SOCS2: variants seen among roughly 807,000 people sequenced by gnomAD.
SOCS2 encodes the protein suppressor of cytokine signaling 2.
In SOCS2, 10 loss-of-function variants were observed where a neutral mutation model predicts 18.6. That is an observed-to-expected ratio of 0.54 (90% CI 0.33 to 0.91). SOCS2 has a LOEUF of 0.91. Ranked by LOEUF, SOCS2 falls within the 40% of genes least tolerant of loss-of-function variation. SOCS2 has a pLI of 0.02. For missense variants in SOCS2, 231 were observed against 247.2 expected, an observed-to-expected ratio of 0.93 and a Z score of 0.44; for synonymous variants, 104 against 104.0, an observed-to-expected ratio of 1.00 and a Z score of 0.00.
At chr12:93,609,387 C>T in the SOCS2 span, among the ~76,000 whole-genome samples, 1 of 151,916 alleles carries the variant, frequency 6.6e-6, no homozygotes. Context: ...AGTGAAACTC[C>T]ATCTCAAAAA....
At chr12:93,619,458 A>G in the SOCS2 span, among the ~76,000 whole-genome samples, 1 of 152,208 alleles carries the variant, frequency 6.6e-6, no homozygotes, top group Non-Finnish European at 1.5e-5. Context: ...GATTAAATGA[A>G]TGGTTGATCG....
the SOCS2 span, among the ~76,000 whole-genome samples, chr12:93,607,515 G>C: frequency 6.6e-6 from 1 of 152,152 alleles, no homozygotes; most frequent in Non-Finnish European, 1.5e-5. Flanking sequence ...ACCTGCTGTA[G>C]CCCTCTGCCT....
chr12:93,614,536 C>T, the SOCS2 span, among the ~76,000 whole-genome samples: 241 of 60,904 alleles, frequency 4.0e-3, 16 homozygotes, highest in African/African-American at 0.014. Flanking sequence ...TCCTTCCTTC[C>T]TTCCTTCTTT....
downstream of SOCS2, among the ~76,000 whole-genome samples, chr12:93,587,160 T>C (rs1342605967): frequency 6.6e-6 from 1 of 152,074 alleles, no homozygotes; most frequent in Admixed American, 6.5e-5. Context: ...AGAGTGAGAC[T>C]GTCTTAAAGA....
chr12:93,614,609 T>TTCTC, the SOCS2 span, among the ~76,000 whole-genome samples: 1 of 126,430 alleles, frequency 7.9e-6, no homozygotes, highest in Non-Finnish European at 1.6e-5. Context: ...CTTTCTTTCT[T>TTCTC]TCTTTCTTTC....
At chr12:93,584,841 C>T (rs1954574343), downstream of SOCS2, among the ~76,000 whole-genome samples, 1 of 152,108 alleles carries the variant, frequency 6.6e-6, no homozygotes, top group South Asian at 2.1e-4. Flanking sequence ...CAGCTCACTG[C>T]AACCTCTGCC....
At chr12:93,614,486 T>TC in the SOCS2 span, among the ~76,000 whole-genome samples, 71 of 26,070 alleles carry the variant, frequency 2.7e-3, 4 homozygotes, top group Admixed American at 3.8e-3. Context: ...TTCCTTTCCT[T>TC]CCTTCCTTCC....
chr12:93,602,222 A>G, the SOCS2 span, among the ~76,000 whole-genome samples: 3 of 152,146 alleles, frequency 2.0e-5, no homozygotes, highest in Non-Finnish European at 2.9e-5. Context: ...CTTATCCTAG[A>G]CTACAGGTGT....
chr12:93,611,571 T>C, the SOCS2 span, among the ~76,000 whole-genome samples: 7 of 152,310 alleles, frequency 4.6e-5, no homozygotes, highest in South Asian at 2.1e-4. Flanking sequence ...CGGCATTATT[T>C]CAACAAATTT....
At chr12:93,611,149 G>C in the SOCS2 span, among the ~76,000 whole-genome samples, 4 of 152,080 alleles carry the variant, frequency 2.6e-5, no homozygotes, top group Non-Finnish European at 5.9e-5. Context: ...ATCTGCAGTG[G>C]ACACATAGAG....
downstream of SOCS2, among the ~76,000 whole-genome samples, chr12:93,587,412 T>C (rs1954590888): frequency 6.6e-6 from 1 of 152,156 alleles, no homozygotes; most frequent in Non-Finnish European, 1.5e-5. Flanking sequence ...CTGGGCGCAG[T>C]GGCTCACGCC....
upstream of SOCS2, chr12:93,570,481 G>A (rs1211124414): frequency 1.3e-5 from 2 of 152,486 alleles, no homozygotes; most frequent in Non-Finnish European, 2.9e-5. Context: ...ATGTGTCTTA[G>A]AGCCGGAGAG....
the SOCS2 span, among the ~76,000 whole-genome samples, chr12:93,592,194 C>G: frequency 6.6e-6 from 1 of 152,178 alleles, no homozygotes; most frequent in Non-Finnish European, 1.5e-5. Flanking sequence ...AAAGCACACA[C>G]AAATATTATT....
the SOCS2 span, among the ~76,000 whole-genome samples, chr12:93,592,620 TTCTG>T: frequency 6.6e-6 from 1 of 152,250 alleles, no homozygotes; most frequent in Non-Finnish European, 1.5e-5. Flanking sequence ...TGGAAATAAA[TTCTG>T]TCTTTCAAGT....
chr12:93,611,970 C>A, the SOCS2 span, among the ~76,000 whole-genome samples: 1 of 151,944 alleles, frequency 6.6e-6, no homozygotes, highest in Non-Finnish European at 1.5e-5. Flanking sequence ...TTTGATCAGC[C>A]CCCATCTACT....
At chr12:93,621,645 TA>T in the SOCS2 span, among the ~76,000 whole-genome samples, 242 of 152,018 alleles carry the variant, frequency 1.6e-3, 2 homozygotes, top group Middle Eastern at 3.4e-3. Flanking sequence ...CCCAGCTAAT[TA>T]AAAAAAAATT....
At position 93,576,483 on chromosome 12, in the gene SOCS2, A is replaced by G. The variant is rs993302120; in HGVS notation, c.*1304A>G. The G allele has an allele frequency of 1.3e-5, 2 of 152,250 alleles. No homozygotes were observed. Among genetic ancestry groups the G allele is most frequent in the African/African-American group, 2.4e-5 (1 of 41,464 alleles). The allele number at this position is 152,250 out of a possible 1,614,324, so 9.4% of individuals were successfully genotyped here. On this transcript the variant is annotated 3_prime_UTR_variant, in exon 2 of 2. Transcript: ENST00000551556. ...AAAACATGGTTTAGAAACTACAAAC[A>G]TTATGACATGGCCAGTCTTTTACAA...
At chr12:93,614,415 TTC>T in the SOCS2 span, among the ~76,000 whole-genome samples, 6 of 130,602 alleles carry the variant, frequency 4.6e-5, no homozygotes, top group African/African-American at 1.8e-4. Context: ...CTTTCTTTCT[TTC>T]TTCCTTTCTT....
the SOCS2 span, among the ~76,000 whole-genome samples, chr12:93,589,607 G>A: frequency 6.6e-6 from 1 of 152,218 alleles, no homozygotes; most frequent in Non-Finnish European, 1.5e-5. Flanking sequence ...AGTGGTTGAT[G>A]TCAGTATTGT....
Sources: allele counts gnomAD v4.1 joint callset (sites outside exome capture counted in the v4.1 genomes callset), GRCh38; gene constraint gnomAD v4.1.1; transcripts MANE v1.5; gene names NCBI Gene and HGNC (gene_info 2026-07-23, HGNC 2026-07-21).